Variants in NAALADL2 observed in about 807,000 individuals in gnomAD.
NAALADL2 encodes inactive N-acetylated-alpha-linked acidic dipeptidase-like protein 2.
Under a neutral mutation model 87.2 loss-of-function variants are expected in NAALADL2, and 76 were observed. The observed-to-expected ratio is 0.87, with a 90% confidence interval of 0.72 to 1.05. The LOEUF is 1.05. Among genes scored for constraint, NAALADL2 ranks in the 50% least tolerant of loss-of-function variants. NAALADL2 has a pLI of 0.00. For synonymous variants in NAALADL2, 354 were observed against 331.0 expected (o/e 1.07, Z -0.75); for missense variants, 1,089 against 945.8 (o/e 1.15, Z -1.99).
At chr3:175,676,127 TCA>T (rs1298473246) in intron 11 of NAALADL2, 1 of 152,198 alleles carries the variant, frequency 6.6e-6, no homozygotes, top group Non-Finnish European at 1.5e-5. Flanking sequence ...ATTGATCTTC[TCA>T]CACACTAAAT....
At chr3:174,902,736 T>C (rs1227472839) in intron 1 of NAALADL2, among the ~76,000 whole-genome samples, 3 of 152,052 alleles carry the variant, frequency 2.0e-5, no homozygotes, top group African/African-American at 2.4e-5. Context: ...AACTCCAAGG[T>C]TATTATTTTT....
At chr3:174,725,503 A>G (rs1732096402) in intron 2 of NAALADL2, among the ~76,000 whole-genome samples, 1 of 152,204 alleles carries the variant, frequency 6.6e-6, no homozygotes, top group Admixed American at 6.6e-5. Context: ...ATTAAGTTTC[A>G]AGGTGGCTGT....
intron 11 of NAALADL2, among the ~76,000 whole-genome samples, chr3:175,681,207 G>A (rs1160111043): frequency 4.6e-5 from 7 of 151,858 alleles, no homozygotes; most frequent in Admixed American, 4.6e-4. Flanking sequence ...TTACATTTTA[G>A]TAATATTCTA....
chr3:174,561,201 CTTTT>C (rs200957982), intron 2 of NAALADL2, among the ~76,000 whole-genome samples: 6 of 130,712 alleles, frequency 4.6e-5, no homozygotes, highest in African/African-American at 8.7e-5. Context: ...AATAGGATTC[CTTTT>C]TTTTTTTTTT....
At chr3:174,957,675 A>T (rs374459762) in intron 1 of NAALADL2, among the ~76,000 whole-genome samples, 1 of 150,956 alleles carries the variant, frequency 6.6e-6, no homozygotes, top group East Asian at 2.0e-4. Context: ...TGCCTCTTTG[A>T]TTTATTTTTA....
intron 5 of NAALADL2, among the ~76,000 whole-genome samples, chr3:175,346,663 A>AT (rs149684755): frequency 3.3e-5 from 5 of 151,980 alleles, no homozygotes; most frequent in Admixed American, 6.6e-5. Context: ...GAAAACTGAC[A>AT]TTTTTTCAGT....
intron 4 of NAALADL2, among the ~76,000 whole-genome samples, chr3:175,284,653 T>G (rs1253027727): frequency 6.6e-6 from 1 of 152,152 alleles, no homozygotes; most frequent in Non-Finnish European, 1.5e-5. Flanking sequence ...TATTCCATCT[T>G]ACAGAATTAA....
intron 1 of NAALADL2, among the ~76,000 whole-genome samples, chr3:175,033,808 C>T (rs775927795): frequency 2.0e-5 from 3 of 152,090 alleles, no homozygotes; most frequent in Non-Finnish European, 2.9e-5. Flanking sequence ...TGATGTGAAG[C>T]GCCATCTTGA....
At chr3:175,792,984 G>A (rs553185592) in intron 13 of NAALADL2, among the ~76,000 whole-genome samples, 1 of 152,318 alleles carries the variant, frequency 6.6e-6, no homozygotes, top group South Asian at 2.1e-4. Flanking sequence ...ACTGCTTTTA[G>A]AATCCTGCAG....
rs557928811 is a variant in NAALADL2, at chr3:175,390,747, G to C, written c.1091-56482G>C. Among the ~76,000 whole-genome samples the C allele has an allele frequency of 3.3e-5, 5 of 152,240 alleles. No individual in the cohort carries two copies. In the South Asian group the frequency reaches 1.0e-3, roughly 32 times the overall value. ...ATAAACATAAATTTCTTTTGCAAAAGAGGAAATGTATACTCTAGTTCAGGC... is the reference window on the plus strand; with the variant it reads ...ATAAACATAAATTTCTTTTGCAAAACAGGAAATGTATACTCTAGTTCAGGC... On this transcript the variant is annotated intron_variant, in intron 5 of 13. Transcript: ENST00000454872.
chr3:174,767,263 C>T (rs1040359146), intron 3 of NAALADL2, among the ~76,000 whole-genome samples: 1 of 152,012 alleles, frequency 6.6e-6, no homozygotes, highest in Admixed American at 6.6e-5. Flanking sequence ...GCAGATTAGA[C>T]CTTTCAAATC....
At chr3:175,504,590 TCTCTCTCTC>T (rs1730027396) in intron 9 of NAALADL2, among the ~76,000 whole-genome samples, 1 of 133,462 alleles carries the variant, frequency 7.5e-6, no homozygotes, top group Non-Finnish European at 1.5e-5. Flanking sequence ...TCTCTCTCTC[TCTCTCTCTC>T]TCTCTCTCTC....
chr3:174,693,229 A>G (rs889687398), intron 2 of NAALADL2, among the ~76,000 whole-genome samples: 4 of 152,114 alleles, frequency 2.6e-5, no homozygotes, highest in African/African-American at 9.6e-5. Flanking sequence ...AAGTCCATGC[A>G]GCTTGAGTGT....
intron 9 of NAALADL2, among the ~76,000 whole-genome samples, chr3:175,544,607 T>A (rs1161847345): frequency 6.6e-6 from 1 of 152,240 alleles, no homozygotes; most frequent in East Asian, 1.9e-4. Flanking sequence ...TGTGTATTTG[T>A]CACTATTCTG....
chr3:175,613,082 C>T (rs1198805017), intron 10 of NAALADL2, among the ~76,000 whole-genome samples: 1 of 152,024 alleles, frequency 6.6e-6, no homozygotes, highest in Non-Finnish European at 1.5e-5. Flanking sequence ...TCCTCCTGGA[C>T]CCTCCTCCAG....
At chr3:174,752,174 A>C (rs1734900224) in intron 3 of NAALADL2, among the ~76,000 whole-genome samples, 2 of 151,720 alleles carry the variant, frequency 1.3e-5, no homozygotes, top group Non-Finnish European at 2.9e-5. Context: ...ACAGGGTTTC[A>C]CCGTTTTAGC....
intron 1 of NAALADL2, among the ~76,000 whole-genome samples, chr3:174,467,648 G>T (rs1400122014): frequency 7.1e-6 from 1 of 141,824 alleles, no homozygotes; most frequent in Non-Finnish European, 1.5e-5. Flanking sequence ...ACTAAGAATT[G>T]GTTAAATAAA....
chr3:175,374,939 C>A (rs1243819323), intron 5 of NAALADL2, among the ~76,000 whole-genome samples: 1 of 151,864 alleles, frequency 6.6e-6, no homozygotes, highest in East Asian at 1.9e-4. Context: ...TGTAGTTTTA[C>A]CTTTTACCTT....
intron 11 of NAALADL2, among the ~76,000 whole-genome samples, chr3:175,686,056 T>TTTA (rs148076694): frequency 0.016 from 2,499 of 152,300 alleles, 65 homozygotes; most frequent in African/African-American, 0.058. Flanking sequence ...ATTTAGCTGC[T>TTTA]TTACCTCCAT....
Sources: allele counts gnomAD v4.1 joint callset (sites outside exome capture counted in the v4.1 genomes callset), GRCh38; gene constraint gnomAD v4.1.1; transcripts MANE v1.5; gene names NCBI Gene and HGNC (gene_info 2026-07-23, HGNC 2026-07-21).